Variants in KCNQ1 observed in about 807,000 individuals in gnomAD.
KCNQ1 encodes the protein potassium voltage-gated channel subfamily Q member 1.
Under a neutral mutation model 72.4 loss-of-function variants are expected in KCNQ1, and 49 were observed. That is an observed-to-expected ratio of 0.68 (90% confidence interval 0.54 to 0.86). The LOEUF (loss-of-function observed/expected upper bound fraction) is 0.86. Among genes scored for constraint, KCNQ1 ranks in the 40% least tolerant of loss-of-function variants. The pLI, the probability that KCNQ1 is intolerant of heterozygous loss-of-function variation, is 0.00. For synonymous variants in KCNQ1, 450 were observed against 412.6 expected (o/e 1.09, Z -1.10); for missense variants, 790 against 945.1 (o/e 0.84, Z 2.15).
rs1428449966 is a variant in KCNQ1, at chr11:2,817,413, G to A, written c.1795-30354G>A. On this transcript the variant is annotated intron_variant, in intron 15 of 15. Transcript: ENST00000155840. This position sits in a 1 kb window ranked among gnomAD's most constrained non-coding sequence, Gnocchi z 6.1. ...GCCCCCTGACCCCCAGCCTTGTGCAGACACTGATACCCTTAGGATGAAGCT... is the reference window on the plus strand; with the variant it reads ...GCCCCCTGACCCCCAGCCTTGTGCAAACACTGATACCCTTAGGATGAAGCT... 6.6e-6 allele frequency among the ~76,000 whole-genome samples: 1 copy of A among 152,002 alleles called. No individual in the cohort carries two copies. The highest frequency in any genetic ancestry group is 1.5e-5 in the Non-Finnish European group (1 of 68,014).
rs922114689 is a variant in KCNQ1 at position 2,651,532 on chromosome 11, G to A, written c.1394-10429G>A. The A allele has an allele frequency of 1.0e-5, 4 of 398,524 alleles. No homozygotes were observed. The highest frequency in any genetic ancestry group is 8.2e-5 in the African/African-American group (4 of 48,630). The allele number at this position is 398,524 out of a possible 1,614,324, so 24.7% of individuals were successfully genotyped here. ...GAACGTGAATGCTAAGGGCATATGA[G>A]TGTGTCCCTGAGAACATGGATATTG... is the stretch of plus-strand genomic sequence containing the variant. On this transcript the variant is annotated intron_variant, in intron 10 of 15. Transcript: ENST00000155840. The surrounding 1 kb of genome is among the most constrained non-coding windows in gnomAD (Gnocchi z 6.1).
chr11:2,530,176 G>T (rs559534769), intron 2 of KCNQ1, among the ~76,000 whole-genome samples: 9 of 152,250 alleles, frequency 5.9e-5, no homozygotes, highest in African/African-American at 2.2e-4. Context: ...TGGCAGCATG[G>T]GCCTCATGTT....
In KCNQ1 at chr11:2,598,245, C is replaced by G. The variant is rs908061166; in HGVS notation, c.1393+9391C>G. Among the ~76,000 whole-genome samples, 11 of 152,100 alleles carry G rather than the reference C, an allele frequency of 7.2e-5. No individual in the cohort carries two copies. The highest frequency in any genetic ancestry group is 1.0e-4 in the Non-Finnish European group (7 of 68,018). On this transcript the variant is annotated intron_variant, in intron 10 of 15. Transcript: ENST00000155840. The surrounding 1 kb of genome is among the most constrained non-coding windows in gnomAD (Gnocchi z 6.2). ...TCTGATTATGAAATATGTTCCTTTT[C>G]ATTGCTTTCTTGATAGTTTTAATTT...
At position 2,593,005 on chromosome 11, in the gene KCNQ1, T is replaced by C. The variant is rs1266009947; in HGVS notation, c.1393+4151T>C. 2.0e-5 allele frequency among the ~76,000 whole-genome samples: 3 copies of C among 152,170 alleles called. No homozygotes were observed. Among genetic ancestry groups the C allele is most frequent in the Non-Finnish European group, 4.4e-5 (3 of 68,018 alleles). ...CGCCTCCATCCTGAGCTGCCTACCC[T>C]GCCCCTCCTCCACTCCAGTTGTCTC... On this transcript the variant is annotated intron_variant, in intron 10 of 15. Coordinates refer to ENST00000155840, the MANE Select transcript of KCNQ1 (RefSeq NM_000218.3). The surrounding 1 kb of genome is among the most constrained non-coding windows in gnomAD (Gnocchi z 6.9).
intron 10 of KCNQ1, among the ~76,000 whole-genome samples, chr11:2,594,643 A>G (rs1012005330): frequency 2.0e-5 from 3 of 152,048 alleles, no homozygotes; most frequent in Non-Finnish European, 4.4e-5. Context: ...CTAACTCTTG[A>G]GATGTTTCTG....
intron 11 of KCNQ1, chr11:2,684,656 G>C (rs1850453513): frequency 5.0e-6 from 2 of 398,672 alleles, no homozygotes; most frequent in Non-Finnish European, 8.8e-6. Context: ...GGAAAGAAAG[G>C]CTTGTTGGAT....
rs1349378447 is a variant in KCNQ1 at position 2,536,253 on chromosome 11, C to T, written c.477+8235C>T. 2.6e-5 allele frequency among the ~76,000 whole-genome samples: 4 copies of T among 152,234 alleles called. No individual in the cohort carries two copies. In the East Asian group the frequency reaches 7.7e-4, roughly 29 times the overall value. ...AGAAATTTCCTGCTGTGCCAGGCTG[C>T]AGCAGAGACTCCGGCCCCACCAGGC... On this transcript the variant is annotated intron_variant, in intron 2 of 15. Transcript: ENST00000155840. The surrounding 1 kb of genome is among the most constrained non-coding windows in gnomAD (Gnocchi z 7.4).
At chr11:2,794,233 C>T (rs1847086509) in intron 15 of KCNQ1, among the ~76,000 whole-genome samples, 1 of 152,154 alleles carries the variant, frequency 6.6e-6, no homozygotes, top group Non-Finnish European at 1.5e-5. Flanking sequence ...TTGGGGCCAG[C>T]CCCCAGTCTG....
At chr11:2,805,816 G>A (rs1847360247) in intron 15 of KCNQ1, among the ~76,000 whole-genome samples, 1 of 152,164 alleles carries the variant, frequency 6.6e-6, no homozygotes, top group South Asian at 2.1e-4. Context: ...TCCAGAAATC[G>A]CTCTGATGAC....
chr11:2,798,843 G>C (rs559400348), intron 15 of KCNQ1, among the ~76,000 whole-genome samples: 2 of 152,296 alleles, frequency 1.3e-5, no homozygotes, highest in Admixed American at 1.3e-4. Context: ...CTGTGGCTCA[G>C]GGCTGGGTTG....
chr11:2,779,735 G>A (rs1053718970), intron 15 of KCNQ1, among the ~76,000 whole-genome samples: 3 of 152,186 alleles, frequency 2.0e-5, no homozygotes, highest in Non-Finnish European at 4.4e-5. Context: ...GAAGTGCAAT[G>A]GCCCCTTCCT....
intron 15 of KCNQ1, among the ~76,000 whole-genome samples, chr11:2,794,565 C>T (rs1847094313): frequency 6.6e-6 from 1 of 152,140 alleles, no homozygotes; most frequent in African/African-American, 2.4e-5. Flanking sequence ...CCCAGCCGGG[C>T]CCCCAAAGAT....
intron 11 of KCNQ1, among the ~76,000 whole-genome samples, chr11:2,729,739 C>T (rs1246524474): frequency 6.6e-6 from 1 of 152,128 alleles, no homozygotes; most frequent in African/African-American, 2.4e-5. Context: ...GTATCGGGGG[C>T]TTGAGTACCT....
In KCNQ1 at chr11:2,603,320, G is replaced by A. The variant is rs1485874518; in HGVS notation, c.1393+14466G>A. On this transcript the variant is annotated intron_variant, in intron 10 of 15. Coordinates refer to ENST00000155840, the MANE Select transcript of KCNQ1 (RefSeq NM_000218.3). The surrounding 1 kb of genome is among the most constrained non-coding windows in gnomAD (Gnocchi z 4.1). ...AAAAAATGCTGACCCAGAATGAAGTGAGCACATGTTGTTGGAAAAATGGCA... is the reference window on the plus strand; with the variant it reads ...AAAAAATGCTGACCCAGAATGAAGTAAGCACATGTTGTTGGAAAAATGGCA... Among the ~76,000 whole-genome samples, 2 of 152,154 alleles carry A rather than the reference G, an allele frequency of 1.3e-5. No homozygotes were observed. Among genetic ancestry groups the A allele is most frequent in the Non-Finnish European group, 2.9e-5 (2 of 68,034 alleles).
At position 2,652,122 on chromosome 11, in the gene KCNQ1, G is replaced by C. The variant is rs1211499738; in HGVS notation, c.1394-9839G>C. The C allele has an allele frequency of 1.5e-5, 6 of 398,612 alleles. No individual in the cohort carries two copies. Among genetic ancestry groups the C allele is most frequent in the Non-Finnish European group, 2.7e-5 (6 of 226,148 alleles). 24.7% of individuals were successfully genotyped at this position (398,612 alleles called of 1,614,324 possible). A position where few individuals can be genotyped will look rare whatever the true frequency, so the allele number is the denominator to read the frequency against. ...TTCTGGCCTGGCTGGGAGGTGGCCT[G>C]GGAAGGGACCTGTGTTTCTCAAGCC... On this transcript the variant is annotated intron_variant, in intron 10 of 15. Coordinates refer to ENST00000155840, the MANE Select transcript of KCNQ1 (RefSeq NM_000218.3). The surrounding 1 kb of genome is among the most constrained non-coding windows in gnomAD (Gnocchi z 5.9).
At position 2,674,681 on chromosome 11, in the gene KCNQ1, G is replaced by A; in HGVS notation, c.1514+12600G>A. 1 of 398,498 alleles carries A rather than the reference G, an allele frequency of 2.5e-6. No individual in the cohort carries two copies. The highest frequency in any genetic ancestry group is 4.4e-6 in the Non-Finnish European group (1 of 226,048). 24.7% of individuals were successfully genotyped at this position (398,498 alleles called of 1,614,324 possible). A position where few individuals can be genotyped will look rare whatever the true frequency, so the allele number is the denominator to read the frequency against. On this transcript the variant is annotated intron_variant, in intron 11 of 15. Coordinates refer to ENST00000155840, the MANE Select transcript of KCNQ1 (RefSeq NM_000218.3). The surrounding 1 kb of genome is among the most constrained non-coding windows in gnomAD (Gnocchi z 5.9). ...TTTTGCAAAATAATTTGAAAAGTTT[G>A]TTGAACCTTAAACCTTTCCTGATGA...
Position 2,588,800 on chromosome 11 carries a change from C to A in KCNQ1, c.1339C>A (p.Pro447Thr). Residue 447 changes from proline (P) to threonine (T), a missense_variant, in exon 10 of 16, where the codon CCC (proline) becomes ACC (threonine). Coordinates refer to ENST00000155840, the MANE Select transcript of KCNQ1 (RefSeq NM_000218.3). This position sits in a 1 kb window ranked among gnomAD's most constrained non-coding sequence, Gnocchi z 5.6. ...CACAGTCCCCCATATCACGTGCGAC[C>A]CCCCAGAAGAGCGGCGGCTGGACCA... The part of the protein sequence containing the change: ...MLTVPHITCD[P>T]PEERRLDHFS... 1.2e-6 allele frequency: 2 copies of A among 1,613,498 alleles called. No individual in the cohort carries two copies. The highest frequency in any genetic ancestry group is 1.7e-6 in the Non-Finnish European group (2 of 1,179,964).
At chr11:2,792,762 G>A (rs1199470138) in intron 15 of KCNQ1, among the ~76,000 whole-genome samples, 1 of 152,196 alleles carries the variant, frequency 6.6e-6, no homozygotes, top group Non-Finnish European at 1.5e-5. Context: ...TAGAGGAGAT[G>A]GGGGCTTGGG....
chr11:2,665,114 C>T, intron 11 of KCNQ1: 1 of 398,506 alleles, frequency 2.5e-6, no homozygotes, highest in Non-Finnish European at 4.4e-6. Flanking sequence ...GTCGCTGCAC[C>T]CCAGCCTATA....
Sources: allele counts gnomAD v4.1 joint callset (sites outside exome capture counted in the v4.1 genomes callset), GRCh38; gene constraint gnomAD v4.1.1; non-coding constraint Gnocchi (gnomAD v3.1); transcripts MANE v1.5; gene names NCBI Gene and HGNC (gene_info 2026-07-23, HGNC 2026-07-21).